The following SIM1 variants were observed in gnomAD, a reference collection of about 807,000 sequenced individuals.
SIM1 encodes the protein SIM bHLH transcription factor 1, also known as single-minded homolog 1.
SIM1 carries 18 observed loss-of-function variants against 78.2 expected under a neutral mutation model. The ratio of observed to expected loss-of-function variants is 0.23; its 90% CI spans 0.16 to 0.34. The LOEUF (loss-of-function observed/expected upper bound fraction) is 0.34. SIM1 is among the 10% of genes least tolerant of loss of function. The pLI, the probability that SIM1 is intolerant of heterozygous loss-of-function variation, is 1.00. For synonymous variants in SIM1, 417 were observed against 385.2 expected (o/e 1.08, Z -0.97); for missense variants, 939 against 975.1 (o/e 0.96, Z 0.49).
intron 2 of SIM1, among the ~76,000 whole-genome samples, chr6:100,461,646 G>A (rs1424785758): frequency 2.0e-5 from 3 of 152,180 alleles, no homozygotes; most frequent in African/African-American, 4.8e-5. Flanking sequence ...GCGGCCAGCG[G>A]AGTTCGCAAT....
At position 100,385,065 on chromosome 6, in the gene SIM1, A is replaced by T. The variant is rs1356368677; in HGVS notation, c.*5296T>A. 3.3e-5 allele frequency: 5 copies of T among 152,064 alleles called. No individual in the cohort carries two copies. In the East Asian group the frequency reaches 9.6e-4, roughly 29 times the overall value. The allele number at this position is 152,064 out of a possible 1,614,324, so 9.4% of individuals were successfully genotyped here. Reference sequence around the variant, plus strand: ...CCAAAAAATTCCTCACATAATAAATACATTTTATGCACATTAACTTCGAAT... The same window carrying T: ...CCAAAAAATTCCTCACATAATAAATTCATTTTATGCACATTAACTTCGAAT... On this transcript the variant is annotated 3_prime_UTR_variant, in exon 12 of 12. Coordinates refer to ENST00000369208, the MANE Select transcript of SIM1 (RefSeq NM_005068.3).
intron 8 of SIM1, 145 bp from the exon 9 acceptor site, chr6:100,447,560 A>C: frequency 1.1e-6 from 1 of 899,568 alleles, no homozygotes; most frequent in South Asian, 1.6e-5. Flanking sequence ...CGACAGGCAA[A>C]TTCCCAAAGG....
At chr6:100,455,158 G>A (rs2114549975) in intron 2 of SIM1, among the ~76,000 whole-genome samples, 1 of 152,296 alleles carries the variant, frequency 6.6e-6, no homozygotes, top group South Asian at 2.1e-4. Context: ...TCAAAGCCTT[G>A]GTAAGGAGGA....
At chr6:100,396,227 C>T (rs1454695880) in intron 10 of SIM1, 3 of 196,044 alleles carry the variant, frequency 1.5e-5, no homozygotes, top group Non-Finnish European at 2.8e-5. Flanking sequence ...CATGTGCTTG[C>T]CTCAGAGAAA....
intron 9 of SIM1, among the ~76,000 whole-genome samples, chr6:100,442,187 G>A (rs761746518): frequency 6.6e-6 from 1 of 152,156 alleles, no homozygotes; most frequent in African/African-American, 2.4e-5. Flanking sequence ...TACAAAGTCT[G>A]TAAGTTCATG....
At position 100,389,539 on chromosome 6, in the gene SIM1, G is replaced by A. The variant is rs1051226759; in HGVS notation, c.*822C>T. 3 of 398,280 alleles carry A rather than the reference G, an allele frequency of 7.5e-6. No homozygotes were observed. Among genetic ancestry groups the A allele is most frequent in the African/African-American group, 6.2e-5 (3 of 48,592 alleles). The allele number at this position is 398,280 out of a possible 1,614,324, so 24.7% of individuals were successfully genotyped here. A position where few individuals can be genotyped will look rare whatever the true frequency, so the allele number is the denominator to read the frequency against. ...TTAAATTGTGTTAAACTTTGAGATA[G>A]CATTTTATTTCACTCTGCCTCTGGC... is the stretch of plus-strand genomic sequence containing the variant. On this transcript the variant is annotated 3_prime_UTR_variant, in exon 12 of 12. Transcript: ENST00000369208.
rs57211422 is a variant in SIM1 at position 100,385,669 on chromosome 6, A to ATGTGTGTGTGTGTGTG, written c.*4676_*4691dup. The ATGTGTGTGTGTGTGTG allele has an allele frequency of 1.5e-4, 21 of 143,432 alleles. No individual in the cohort carries two copies. Among genetic ancestry groups the ATGTGTGTGTGTGTGTG allele is most frequent in the African/African-American group, 5.2e-4 (20 of 38,170 alleles). 8.9% of individuals were successfully genotyped at this position (143,432 alleles called of 1,614,324 possible). On this transcript the variant is annotated 3_prime_UTR_variant, in exon 12 of 12. Transcript: ENST00000369208. Reference sequence around the variant, plus strand: ...TATGTGAACCATCATTTATTTATTTATGTGTGTGTGTGTGTGTGTGTGTGT... The same window carrying ATGTGTGTGTGTGTGTG: ...TATGTGAACCATCATTTATTTATTTATGTGTGTGTGTGTGTGTGTGTGTGTGTGTGTGTGTGTGTGT...
At chr6:100,447,012 A>G (rs1244351891) in intron 9 of SIM1, among the ~76,000 whole-genome samples, 2 of 152,252 alleles carry the variant, frequency 1.3e-5, no homozygotes, top group Non-Finnish European at 2.9e-5. Context: ...GTTAAGAGAG[A>G]AAAAGAAAGA....
intron 2 of SIM1, among the ~76,000 whole-genome samples, chr6:100,455,936 G>GCCTCATTA (rs1208021156): frequency 4.6e-5 from 7 of 152,160 alleles, no homozygotes; most frequent in African/African-American, 1.7e-4. Flanking sequence ...TGTTGTTTCG[G>GCCTCATTA]GTTTCGGCCT....
At chr6:100,437,552 T>C (rs997918012) in intron 9 of SIM1, 33 of 151,308 alleles carry the variant, frequency 2.2e-4, no homozygotes, top group African/African-American at 8.0e-4. Context: ...AAATTTTAAA[T>C]GGTGTTGTAT....
intron 10 of SIM1, among the ~76,000 whole-genome samples, chr6:100,413,454 A>G (rs1220169927): frequency 6.6e-6 from 1 of 152,090 alleles, no homozygotes; most frequent in African/African-American, 2.4e-5. Flanking sequence ...CACCTTCCTC[A>G]TTTATGCCAC....
chr6:100,437,580 A>G (rs1051309831), intron 9 of SIM1: 1 of 127,640 alleles, frequency 7.8e-6, no homozygotes, highest in East Asian at 2.6e-4. Flanking sequence ...TGCTAAAAAG[A>G]AAAAAAAACA....
chr6:100,398,464 C>T (rs992596201), intron 10 of SIM1, among the ~76,000 whole-genome samples: 2 of 152,084 alleles, frequency 1.3e-5, no homozygotes, highest in Admixed American at 6.5e-5. Context: ...TAACAACCAC[C>T]ATTCTAATTT....
chr6:100,401,535 G>A (rs1299896829), intron 10 of SIM1, among the ~76,000 whole-genome samples: 1 of 151,860 alleles, frequency 6.6e-6, no homozygotes, highest in Non-Finnish European at 1.5e-5. Context: ...TTTAGGTAGA[G>A]GCATGACATA....
At chr6:100,457,955 C>G (rs924952835) in intron 2 of SIM1, among the ~76,000 whole-genome samples, 4 of 151,838 alleles carry the variant, frequency 2.6e-5, no homozygotes, top group African/African-American at 9.7e-5. Context: ...ACTAATGTTA[C>G]TGTAAATGTG....
chr6:100,440,739 A>G (rs545246257), intron 9 of SIM1, among the ~76,000 whole-genome samples: 8 of 152,342 alleles, frequency 5.3e-5, no homozygotes, highest in Admixed American at 4.6e-4. Context: ...ATTTTCTATG[A>G]TCACCTGCTC....
intron 9 of SIM1, among the ~76,000 whole-genome samples, chr6:100,437,043 C>T (rs1772072374): frequency 6.6e-6 from 1 of 152,056 alleles, no homozygotes; most frequent in South Asian, 2.1e-4. Flanking sequence ...GCCCATTTTA[C>T]AGATTTTTTA....
At position 100,387,576 on chromosome 6, in the gene SIM1, T is replaced by C. The variant is rs1157151644; in HGVS notation, c.*2785A>G. On this transcript the variant is annotated 3_prime_UTR_variant, in exon 12 of 12. Coordinates refer to ENST00000369208, the MANE Select transcript of SIM1 (RefSeq NM_005068.3). The stretch of plus-strand genomic sequence containing the variant: ...TATAGTGAGTCAATATGACATTTTA[T>C]GTAATGTAATAAAACTGCTACTATA... 6.6e-6 allele frequency: 1 copy of C among 152,238 alleles called. No homozygotes were observed. The highest frequency in any genetic ancestry group is 2.4e-5 in the African/African-American group (1 of 41,590). The allele number at this position is 152,238 out of a possible 1,614,324, so 9.4% of individuals were successfully genotyped here.
At chr6:100,407,431 T>A (rs1265662946) in intron 10 of SIM1, among the ~76,000 whole-genome samples, 1 of 152,164 alleles carries the variant, frequency 6.6e-6, no homozygotes, top group East Asian at 1.9e-4. Flanking sequence ...AGTGCAGACA[T>A]CTCAACATAC....
Sources: gnomAD v4.1 joint callset for allele counts (sites outside exome capture counted in the v4.1 genomes callset) on GRCh38, gnomAD v4.1.1 for gene constraint, MANE v1.5 for transcripts, NCBI Gene and HGNC (gene_info 2026-07-23, HGNC 2026-07-21) for gene names.